The following SLCO2B1 variants were observed in gnomAD, a reference collection of about 807,000 sequenced individuals.
The protein encoded by SLCO2B1 is solute carrier organic anion transporter family member 2B1.
Under a neutral mutation model 67.3 loss-of-function variants are expected in SLCO2B1, and 41 were observed. The observed-to-expected ratio is 0.61, with a 90% CI of 0.47 to 0.79. The LOEUF (loss-of-function observed/expected upper bound fraction) is 0.79. SLCO2B1 is among the 30% of genes least tolerant of loss of function. The pLI, the probability that SLCO2B1 is intolerant of heterozygous loss-of-function variation, is 0.00. For synonymous variants in SLCO2B1, 379 were observed against 381.4 expected, an observed-to-expected ratio of 0.99 and a Z score of 0.07; for missense variants, 837 against 920.1, an observed-to-expected ratio of 0.91 and a Z score of 1.17.
At chr11:75,159,752 G>A in intron 1 of SLCO2B1, 1 of 726,958 alleles carries the variant, frequency 1.4e-6, no homozygotes, top group Non-Finnish European at 1.7e-6. Context: ...CCTGCCCAGA[G>A]GCACAGGCTG....
At chr11:75,158,566 G>A (rs1207670900) in intron 1 of SLCO2B1, among the ~76,000 whole-genome samples, 1 of 152,190 alleles carries the variant, frequency 6.6e-6, no homozygotes, top group Non-Finnish European at 1.5e-5. Flanking sequence ...AAAGGTGGGA[G>A]AAGGTCAGAG....
intron 1 of SLCO2B1, among the ~76,000 whole-genome samples, chr11:75,156,314 G>A (rs1378354108): frequency 6.6e-6 from 1 of 152,164 alleles, no homozygotes; most frequent in Non-Finnish European, 1.5e-5. Context: ...CAGATAAGAG[G>A]GAAACATAAG....
At chr11:75,165,728 T>C in intron 3 of SLCO2B1, 59 bp from the exon 4 acceptor site, 1 of 1,559,222 alleles carries the variant, frequency 6.4e-7, no homozygotes, top group Non-Finnish European at 8.8e-7. Flanking sequence ...ACAAGGATAG[T>C]GCAGGCCCCC....
intron 7 of SLCO2B1, among the ~76,000 whole-genome samples, chr11:75,182,904 G>T (rs1205979188): frequency 6.6e-6 from 1 of 151,716 alleles, no homozygotes; most frequent in Non-Finnish European, 1.5e-5. Flanking sequence ...GAAGTGATCA[G>T]TCTGTCCCCA....
intron 7 of SLCO2B1, among the ~76,000 whole-genome samples, chr11:75,186,431 A>G (rs1591828210): frequency 6.7e-6 from 1 of 149,258 alleles, no homozygotes; most frequent in Non-Finnish European, 1.5e-5. Context: ...CTGGTCTTGA[A>G]CTCCTGACCT....
At chr11:75,204,181 G>T (rs1019303092) in intron 13 of SLCO2B1, 24 of 413,372 alleles carry the variant, frequency 5.8e-5, no homozygotes, top group African/African-American at 3.7e-4. Context: ...CCAGGCCACA[G>T]AGCAGAGTCC....
At chr11:75,178,658 C>A (rs575726581) in intron 7 of SLCO2B1, among the ~76,000 whole-genome samples, 1 of 152,168 alleles carries the variant, frequency 6.6e-6, no homozygotes, top group African/African-American at 2.4e-5. Flanking sequence ...ACACTTAAAA[C>A]CTACTTTCTT....
intron 7 of SLCO2B1, among the ~76,000 whole-genome samples, chr11:75,187,495 G>T (rs1944953993): frequency 6.6e-6 from 1 of 152,176 alleles, no homozygotes; most frequent in Non-Finnish European, 1.5e-5. Flanking sequence ...GGTGTTTTGG[G>T]TAACATTGGT....
chr11:75,174,502 G>A (rs1950001239), intron 7 of SLCO2B1, among the ~76,000 whole-genome samples: 1 of 152,188 alleles, frequency 6.6e-6, no homozygotes, highest in Non-Finnish European at 1.5e-5. Context: ...GCACATAGCT[G>A]CCCTGCTATG....
chr11:75,193,671 T>G lies in SLCO2B1; in HGVS notation c.1433+96T>G. Reference sequence around the variant, plus strand: ...GAGGCCAGGATGGCAGGGCAACCCCTGCCTCAAATCTTGCCTCCCCAGTTC... The same window carrying G: ...GAGGCCAGGATGGCAGGGCAACCCCGGCCTCAAATCTTGCCTCCCCAGTTC... On this transcript the variant is annotated intron_variant, in intron 9 of 13. Coordinates refer to ENST00000289575, the MANE Select transcript of SLCO2B1 (RefSeq NM_007256.5). This position sits in a 1 kb window ranked among gnomAD's most constrained non-coding sequence, Gnocchi z 4.2. 8.7e-7 allele frequency: 1 copy of G among 1,149,382 alleles called. No individual in the cohort carries two copies. Among genetic ancestry groups the G allele is most frequent in the Non-Finnish European group, 1.2e-6 (1 of 824,326 alleles). The allele number at this position is 1,149,382 out of a possible 1,614,324, so 71.2% of individuals were successfully genotyped here. A position where few individuals can be genotyped will look rare whatever the true frequency, so the allele number is the denominator to read the frequency against.
rs149821342 is a variant in SLCO2B1, at chr11:75,193,326, C to A, written c.1184C>A (p.Pro395His). 5.6e-6 allele frequency: 9 copies of A among 1,614,142 alleles called. No individual in the cohort carries two copies. The highest frequency in any genetic ancestry group is 2.7e-5 in the African/African-American group (2 of 75,064). ...SMAAGMATFL[P>H]KFLERQFSIT... ...GCTGCGGGCATGGCCACCTTCCTGC[C>A]CAAGTTCCTGGAGCGCCAGTTTTCC... Residue 395 changes from proline to histidine, a missense_variant, in exon 9 of 14, where the codon CCC (proline) becomes CAC (histidine). Pro to His is a moderately conservative substitution (Grantham distance 77). Coordinates refer to ENST00000289575, the MANE Select transcript of SLCO2B1 (RefSeq NM_007256.5). The surrounding 1 kb of genome is among the most constrained non-coding windows in gnomAD (Gnocchi z 4.2).
chr11:75,166,082 C>A, intron 4 of SLCO2B1, 133 bp downstream of exon 4: 1 of 1,125,428 alleles, frequency 8.9e-7, no homozygotes, highest in East Asian at 2.6e-5. Flanking sequence ...CTGCTAGTCC[C>A]CCCCCAACCT....
chr11:75,197,368 G>A (rs1945115280), intron 10 of SLCO2B1, among the ~76,000 whole-genome samples: 3 of 152,356 alleles, frequency 2.0e-5, no homozygotes, highest in South Asian at 4.1e-4. Context: ...ATTCAAGAAT[G>A]AATGGGTAAA....
At chr11:75,176,250 G>T (rs1285394772) in intron 7 of SLCO2B1, among the ~76,000 whole-genome samples, 2 of 152,080 alleles carry the variant, frequency 1.3e-5, no homozygotes, top group Non-Finnish European at 2.9e-5. Context: ...ACTCTCCTGG[G>T]CCCGCCATGC....
intron 13 of SLCO2B1, 48 bp downstream of exon 13, chr11:75,203,475 C>CA: frequency 2.5e-6 from 4 of 1,609,712 alleles, no homozygotes; most frequent in Non-Finnish European, 3.4e-6. Flanking sequence ...GAAATACTCT[C>CA]AGAGTCCCAG....
intron 2 of SLCO2B1, among the ~76,000 whole-genome samples, chr11:75,163,088 G>T (rs1319010258): frequency 6.6e-6 from 1 of 152,110 alleles, no homozygotes; most frequent in Non-Finnish European, 1.5e-5. Flanking sequence ...TGGGGATCCC[G>T]AACCTATGTG....
chr11:75,202,952 C>T lies in SLCO2B1; in HGVS notation c.1815C>T (p.Phe605=). The T allele has an allele frequency of 6.2e-7, 1 of 1,613,818 alleles. No homozygotes were observed. Among genetic ancestry groups the T allele is most frequent in the Non-Finnish European group, 8.5e-7 (1 of 1,179,918 alleles). ...TGGCTGTGGGCATCCAGTTCATGTT[C>T]CTGAGGATTTTGGGTAAAGATCTTG... is the stretch of plus-strand genomic sequence containing the variant. ...KTLAVGIQFM[F]LRILAWMPSP... The change falls in exon 12 of 14, where the codon TTC becomes TTT. Residue 605 remains phenylalanine, a synonymous_variant. Transcript: ENST00000289575.
chr11:75,162,838 C>A lies in SLCO2B1; in HGVS notation c.147+53C>A, dbSNP rs1015580563. 3.8e-6 allele frequency: 6 copies of A among 1,580,714 alleles called. No individual in the cohort carries two copies. The African/African-American group carries it at 8.2e-5, about 22-fold the overall frequency. The stretch of plus-strand genomic sequence containing the variant: ...CCGAGTCTAGAAGAGCAGGCTCTGC[C>A]ACGTGCTGGTGGTGTAATGCCAAGG... On this transcript the variant is annotated intron_variant, in intron 2 of 13. Transcript: ENST00000289575.
In SLCO2B1 at chr11:75,200,330, G is replaced by T. The variant is rs1366377227; in HGVS notation, c.1706G>T (p.Ser569Ile). Residue 569 changes from serine (S) to isoleucine (I), a missense_variant, in exon 11 of 14, where the codon AGC becomes ATC. Coordinates refer to ENST00000289575, the MANE Select transcript of SLCO2B1 (RefSeq NM_007256.5). ...GTGGTGCCCTTCCTGCTCCTGGTCAGCCTGGGCTCGGCCCTGGCCTGTCTC... is the reference window on the plus strand; with the variant it reads ...GTGGTGCCCTTCCTGCTCCTGGTCATCCTGGGCTCGGCCCTGGCCTGTCTC... Reference protein sequence around the residue: ...HLVVPFLLLVSLGSALACLTH... With the variant: ...HLVVPFLLLVILGSALACLTH... 6.2e-7 allele frequency: 1 copy of T among 1,613,522 alleles called. No individual in the cohort carries two copies. Among genetic ancestry groups the T allele is most frequent in the Admixed American group, 1.7e-5 (1 of 60,006 alleles).
Sources: allele counts gnomAD v4.1 joint callset (sites outside exome capture counted in the v4.1 genomes callset), GRCh38; gene constraint gnomAD v4.1.1; non-coding constraint Gnocchi (gnomAD v3.1); transcripts MANE v1.5; gene names NCBI Gene and HGNC (gene_info 2026-07-23, HGNC 2026-07-21).